SERINC2: variants seen among roughly 807,000 people sequenced by gnomAD.
The protein encoded by SERINC2 is serine incorporator 2.
Under a neutral mutation model 54.2 loss-of-function variants are expected in SERINC2, and 56 were observed. The ratio of observed to expected loss-of-function variants is 1.03; its 90% CI spans 0.83 to 1.29. The LOEUF is 1.29. Among genes scored for constraint, SERINC2 ranks in the 50% most tolerant of loss-of-function variants. The pLI is 0.00. For synonymous variants in SERINC2, 272 were observed against 253.1 expected (o/e 1.07, Z -0.71); for missense variants, 614 against 607.4 (o/e 1.01, Z -0.12).
rs1210605841 is a variant in SERINC2, at chr1:31,413,466, G to A, written c.39+162G>A. ...GCTCGCCCTCCTGGACCTTCACTCG[G>A]CACCCGGATCCCGCTGCCCCCGTCC... On this transcript the variant is annotated intron_variant, in intron 1 of 9. Coordinates refer to ENST00000373709, the MANE Select transcript of SERINC2 (RefSeq NM_178865.5). This position sits in a 1 kb window ranked among gnomAD's most constrained non-coding sequence, Gnocchi z 5.0. 2.0e-5 allele frequency among the ~76,000 whole-genome samples: 3 copies of A among 151,908 alleles called. No homozygotes were observed. The highest frequency in any genetic ancestry group is 4.8e-5 in the African/African-American group (2 of 41,366).
At chr1:31,431,786 A>AGGGTGGTTAGGGTGGATAGGACGGT (rs1557499739) in intron 8 of SERINC2, among the ~76,000 whole-genome samples, 1 of 49,554 alleles carries the variant, frequency 2.0e-5, no homozygotes. Context: ...AATAGGGTGG[A>AGGGTGGTTAGGGTGGATAGGACGGT]TAGGGTGGAT....
Position 31,425,398 on chromosome 1 carries a change from C to G in SERINC2, c.461C>G (p.Ser154Cys). 2 of 1,610,406 alleles carry G rather than the reference C, an allele frequency of 1.2e-6. No individual in the cohort carries two copies. The highest frequency in any genetic ancestry group is 1.3e-5 in the African/African-American group (1 of 75,022). ...GGTGCCTTCTACATTCCTGACGGCT[C>G]CTTCACCAACAGTAGGCGGACTTGG... ...TVGAFYIPDG[S>C]FTNIWFYFGV... Residue 154 changes from serine to cysteine, a missense_variant, in exon 4 of 10, where the codon TCC becomes TGC. Ser to Cys is a moderately radical substitution (Grantham distance 112). Transcript: ENST00000373709.
intron 1 of SERINC2, among the ~76,000 whole-genome samples, chr1:31,421,018 A>G (rs1192015920): frequency 2.0e-5 from 3 of 152,074 alleles, no homozygotes. Flanking sequence ...TGGGCCATGG[A>G]CTAGTATCTA....
upstream of SERINC2, among the ~76,000 whole-genome samples, chr1:31,410,803 G>A (rs1370958238): frequency 4.6e-5 from 7 of 152,174 alleles, no homozygotes; most frequent in African/African-American, 1.7e-4. Flanking sequence ...TCTTGGTCTT[G>A]GGTGCTTTCT....
In SERINC2 at chr1:31,432,183, T is replaced by C. The variant is rs112430366; in HGVS notation, c.1014-784T>C. 2.6e-3 allele frequency among the ~76,000 whole-genome samples: 163 copies of C among 61,576 alleles called. 2 individuals carry two copies. Among genetic ancestry groups the C allele is most frequent in the Non-Finnish European group, 3.4e-3 (83 of 24,144 alleles). The allele number at this position is 61,576 out of a possible 152,430, so 40.4% of individuals were successfully genotyped here. The stretch of plus-strand genomic sequence containing the variant: ...GGGTGGATAGGGTGGATAGGGTGGA[T>C]AGGGTGGTTAGAGTGGAGAGAGTGG... On this transcript the variant is annotated intron_variant, in intron 8 of 9. Coordinates refer to ENST00000373709, the MANE Select transcript of SERINC2 (RefSeq NM_178865.5).
chr1:31,434,344 G>C lies in SERINC2; in HGVS notation c.*145G>C. 1 of 817,142 alleles carries C rather than the reference G, an allele frequency of 1.2e-6. No homozygotes were observed. The highest frequency in any genetic ancestry group is 2.6e-5 in the East Asian group (1 of 39,028). The allele number at this position is 817,142 out of a possible 1,614,324, so 50.6% of individuals were successfully genotyped here. A position where few individuals can be genotyped will look rare whatever the true frequency, so the allele number is the denominator to read the frequency against. ...GCTCCAGGACCTGCCCCTGAGCCGG[G>C]CCTTCTAGTCGTAGTGCCTTCAGGG... On this transcript the variant is annotated 3_prime_UTR_variant, in exon 10 of 10. Coordinates refer to ENST00000373709, the MANE Select transcript of SERINC2 (RefSeq NM_178865.5).
intron 8 of SERINC2, among the ~76,000 whole-genome samples, chr1:31,432,026 TGGACAGGG>T (rs1641262734): frequency 7.9e-6 from 1 of 127,356 alleles, no homozygotes; most frequent in Non-Finnish European, 1.6e-5. Context: ...GTGGACAGGG[TGGACAGGG>T]TGGACAGGGT....
Position 31,413,540 on chromosome 1 carries a change from C to G in SERINC2, c.39+236C>G, listed in dbSNP as rs1374327107. On this transcript the variant is annotated intron_variant, in intron 1 of 9. Transcript: ENST00000373709. This position sits in a 1 kb window ranked among gnomAD's most constrained non-coding sequence, Gnocchi z 5.0. ...GCGCCGGGCAGCTGCGGTCCCGGCT[C>G]GGGTTTCCGCGGGCAGGAGGGGAGT... Among the ~76,000 whole-genome samples, 1 of 151,996 alleles carries G rather than the reference C, an allele frequency of 6.6e-6. No homozygotes were observed. Among genetic ancestry groups the G allele is most frequent in the African/African-American group, 2.4e-5 (1 of 41,428 alleles).
rs144686302 is a variant in SERINC2 at position 31,429,014 on chromosome 1, G to C, written c.817G>C (p.Val273Leu). The stretch of plus-strand genomic sequence containing the variant: ...CAACTCGGGTCTGCTGCAGGCCTCG[G>C]TCATCACCCTCTACACCATGTTTGT... ...QPNSGLLQAS[V>L]ITLYTMFVTW... Residue 273 changes from valine (V) to leucine (L), a missense_variant, in exon 7 of 10, where the codon GTC becomes CTC. By Grantham distance (32) the Val-to-Leu change is conservative. Transcript: ENST00000373709. 3.7e-6 allele frequency: 6 copies of C among 1,613,934 alleles called. No homozygotes were observed. In the African/African-American group the frequency reaches 8.0e-5, roughly 22 times the overall value.
intron 1 of SERINC2, chr1:31,414,029 G>T: frequency 1.3e-6 from 2 of 1,520,904 alleles, no homozygotes; most frequent in Non-Finnish European, 8.8e-7. Context: ...AGCGGAGGGA[G>T]CCCCGGACTT....
At chr1:31,425,723 G>A (rs1381144520) in intron 4 of SERINC2, 53 bp from the exon 5 acceptor site, 61 of 1,592,808 alleles carry the variant, frequency 3.8e-5, no homozygotes, top group Non-Finnish European at 4.5e-5. Context: ...CTTGTTGAAC[G>A]AGTAGATGTG....
At chr1:31,423,122 A>G (rs1237785777) in intron 1 of SERINC2, among the ~76,000 whole-genome samples, 1 of 152,218 alleles carries the variant, frequency 6.6e-6, no homozygotes, top group African/African-American at 2.4e-5. Context: ...AATGAACAAA[A>G]CGCAAAAATT....
At chr1:31,423,560 A>G in intron 1 of SERINC2, 133 bp from the exon 2 acceptor site, 1 of 915,836 alleles carries the variant, frequency 1.1e-6, no homozygotes, top group Non-Finnish European at 1.6e-6. Flanking sequence ...CTGAAAGTTC[A>G]ATGGGCTGGT....
chr1:31,413,286 C>A lies in SERINC2; in HGVS notation c.21C>A (p.Ala7=). The change falls in exon 1 of 10, where the codon GCC becomes GCA. Residue 7 remains alanine (A), a synonymous_variant. Transcript: ENST00000373709. This position sits in a 1 kb window ranked among gnomAD's most constrained non-coding sequence, Gnocchi z 5.0. The part of the protein sequence containing the change: MGACLG[A]CSLLSCASCL... ...CCGCCATGGGGGCCTGCCTGGGAGC[C>A]TGCTCCCTGCTCAGCTGCGTGAGTC... 7.9e-7 allele frequency: 1 copy of A among 1,273,250 alleles called. No homozygotes were observed. The highest frequency in any genetic ancestry group is 2.9e-5 in the South Asian group (1 of 34,942). 78.9% of individuals were successfully genotyped at this position (1,273,250 alleles called of 1,614,324 possible).
Position 31,429,425 on chromosome 1 carries a change from C to G in SERINC2, c.900C>G (p.Thr300=), listed in dbSNP as rs782648628. 6.2e-7 allele frequency: 1 copy of G among 1,613,542 alleles called. No homozygotes were observed. Among genetic ancestry groups the G allele is most frequent in the Non-Finnish European group, 8.5e-7 (1 of 1,179,740 alleles). ...PEQKCNPHLP[T]QLGNETVVAG... ...AGAAATGCAACCCCCATTTGCCAAC[C>G]CAGCTGGGCAACGAGACAGTTGTGG... The change falls in exon 8 of 10, where the codon ACC becomes ACG. Residue 300 remains threonine (T), a synonymous_variant. Coordinates refer to ENST00000373709, the MANE Select transcript of SERINC2 (RefSeq NM_178865.5).
chr1:31,429,365 T>C, intron 7 of SERINC2, 32 bp from the exon 8 acceptor site: 1 of 1,585,990 alleles, frequency 6.3e-7, no homozygotes, highest in Non-Finnish European at 8.6e-7. Context: ...CTGGCCTGCA[T>C]GGGCTGAGGG....
At position 31,413,324 on chromosome 1, in the gene SERINC2, C is replaced by A. The variant is rs112905557; in HGVS notation, c.39+20C>A. The stretch of plus-strand genomic sequence containing the variant: ...AGCTGCGTGAGTCCCGACCCCGGCG[C>A]CCGCCCGCGCGCGCCGCCCGTTCCT... On this transcript the variant is annotated intron_variant, in intron 1 of 9. Transcript: ENST00000373709. This position sits in a 1 kb window ranked among gnomAD's most constrained non-coding sequence, Gnocchi z 5.0. 5.0e-3 allele frequency: 6,176 copies of A among 1,240,418 alleles called. 27 individuals are homozygous for A. The highest frequency in any genetic ancestry group is 5.3e-3 in the Non-Finnish European group (5,191 of 987,304). 76.8% of individuals were successfully genotyped at this position (1,240,418 alleles called of 1,614,324 possible). A position where few individuals can be genotyped will look rare whatever the true frequency, so the allele number is the denominator to read the frequency against.
In SERINC2 at chr1:31,423,679, G is replaced by A. The variant is rs371819477; in HGVS notation, c.40-14G>A. On this transcript the variant is annotated splice_polypyrimidine_tract_variant and intron_variant, in intron 1 of 9. Transcript: ENST00000373709. Reference sequence around the variant, plus strand: ...GTGAAGGGGAGAGGGAAGAGTGACAGTGCCCTCCCGCAGGCGTCCTGCCTC... The same window carrying A: ...GTGAAGGGGAGAGGGAAGAGTGACAATGCCCTCCCGCAGGCGTCCTGCCTC... The A allele has an allele frequency of 3.2e-5, 52 of 1,603,630 alleles. No homozygotes were observed. The East Asian group carries it at 6.9e-4, about 21-fold the overall frequency.
intron 8 of SERINC2, among the ~76,000 whole-genome samples, chr1:31,430,508 A>G (rs1553134287): frequency 6.6e-6 from 1 of 152,116 alleles, no homozygotes; most frequent in Non-Finnish European, 1.5e-5. Context: ...TAAAAAAAAA[A>G]AAGGTTTTGT....
Sources: gnomAD v4.1 joint callset for allele counts (sites outside exome capture counted in the v4.1 genomes callset) on GRCh38, gnomAD v4.1.1 for gene constraint, Gnocchi (gnomAD v3.1) non-coding constraint, MANE v1.5 for transcripts, NCBI Gene and HGNC (gene_info 2026-07-23, HGNC 2026-07-21) for gene names.